The following NPNT variants were observed in gnomAD, a reference collection of about 807,000 sequenced individuals.
The protein encoded by NPNT is nephronectin.
A neutral mutation model predicts 68.6 loss-of-function variants in NPNT; 45 were observed. The ratio of observed to expected loss-of-function variants is 0.66; its 90% CI spans 0.52 to 0.84. NPNT has a LOEUF of 0.84. Among genes scored for constraint, NPNT ranks in the 40% least tolerant of loss-of-function variants. NPNT has a pLI of 0.00. For synonymous variants in NPNT, 233 were observed against 253.3 expected (o/e 0.92, Z 0.76); for missense variants, 672 against 714.8 (o/e 0.94, Z 0.68).
At chr4:105,924,276 C>T (rs1034894524) in intron 2 of NPNT, among the ~76,000 whole-genome samples, 3 of 152,132 alleles carry the variant, frequency 2.0e-5, no homozygotes, top group African/African-American at 7.2e-5. Flanking sequence ...CACTTGCCTA[C>T]TATAATACAT....
intron 8 of NPNT, among the ~76,000 whole-genome samples, chr4:105,952,473 A>G (rs1455230403): frequency 1.3e-5 from 2 of 152,230 alleles, no homozygotes; most frequent in African/African-American, 4.8e-5. Context: ...GAATCTGTCT[A>G]GATGGGAAAT....
chr4:105,930,733 C>A (rs893380355), intron 3 of NPNT, among the ~76,000 whole-genome samples: 3 of 152,292 alleles, frequency 2.0e-5, no homozygotes, highest in Non-Finnish European at 4.4e-5. Context: ...GAGTTATATA[C>A]TTTAAGAAAT....
rs1732421022 is a variant in NPNT at position 105,969,527 on chromosome 4, T to TC, written c.*537_*538insC. On this transcript the variant is annotated 3_prime_UTR_variant, in exon 12 of 12. Transcript: ENST00000379987. ...TTTTACTGCCATTCACTTTATAAAA[T>TC]AAGGGTGTGTAACATATCAAGATAC... 1 of 152,440 alleles carries TC rather than the reference T, an allele frequency of 6.6e-6. No individual in the cohort carries two copies. The highest frequency in any genetic ancestry group is 1.5e-5 in the Non-Finnish European group (1 of 68,234). The allele number at this position is 152,440 out of a possible 1,614,324, so 9.4% of individuals were successfully genotyped here.
intron 11 of NPNT, among the ~76,000 whole-genome samples, chr4:105,968,370 T>C (rs1396043134): frequency 6.6e-6 from 1 of 152,236 alleles, no homozygotes; most frequent in African/African-American, 2.4e-5. Context: ...GGATGCTCTA[T>C]AGAAAATATA....
intron 9 of NPNT, chr4:105,958,826 CT>C: frequency 1.8e-6 from 1 of 558,910 alleles, no homozygotes; most frequent in Non-Finnish European, 3.2e-6. Flanking sequence ...TTTGGCAACA[CT>C]TGTGTGTTCT....
chr4:105,923,182 T>C (rs1728391393), intron 2 of NPNT, among the ~76,000 whole-genome samples: 1 of 152,236 alleles, frequency 6.6e-6, no homozygotes, highest in Admixed American at 6.5e-5. Context: ...TTTGCTGACC[T>C]CTGAGAGCTC....
At chr4:105,939,659 CA>C (rs941634516) in intron 5 of NPNT, among the ~76,000 whole-genome samples, 8 of 152,038 alleles carry the variant, frequency 5.3e-5, no homozygotes, top group African/African-American at 1.9e-4. Context: ...CAGTCTAACC[CA>C]AGAGATGGTG....
At chr4:105,951,454 C>G (rs1419936043) in intron 8 of NPNT, among the ~76,000 whole-genome samples, 3 of 152,176 alleles carry the variant, frequency 2.0e-5, no homozygotes, top group Non-Finnish European at 4.4e-5. Context: ...GAGTCTGTGG[C>G]TAGTTCAGTC....
At chr4:105,903,690 G>A (rs1214655195) in intron 2 of NPNT, among the ~76,000 whole-genome samples, 1 of 151,018 alleles carries the variant, frequency 6.6e-6, no homozygotes, top group African/African-American at 2.4e-5. Flanking sequence ...CACTTGTTTT[G>A]TACAAATGAA....
chr4:105,937,212 C>T, intron 4 of NPNT, 84 bp downstream of exon 4: 1 of 1,354,638 alleles, frequency 7.4e-7, no homozygotes, highest in Non-Finnish European at 1.0e-6. Flanking sequence ...TGAAAATGGC[C>T]TCCGGGGTTC....
chr4:105,959,836 G>A (rs1345214140), intron 10 of NPNT, among the ~76,000 whole-genome samples: 7 of 142,350 alleles, frequency 4.9e-5, no homozygotes, highest in African/African-American at 1.8e-4. Flanking sequence ...TTGAGATGGA[G>A]TCTTGCTCTG....
intron 10 of NPNT, among the ~76,000 whole-genome samples, chr4:105,961,646 A>G (rs1347313815): frequency 6.6e-6 from 1 of 152,156 alleles, no homozygotes; most frequent in African/African-American, 2.4e-5. Context: ...AAAAATGAGA[A>G]GAGGGTTAGA....
At chr4:105,943,322 T>C (rs1054476354) in intron 8 of NPNT, among the ~76,000 whole-genome samples, 2 of 152,122 alleles carry the variant, frequency 1.3e-5, no homozygotes, top group South Asian at 2.1e-4. Context: ...AAGGAAGATA[T>C]TATAGTTAAC....
intron 8 of NPNT, 147 bp downstream of exon 8, chr4:105,942,849 C>T: frequency 1.4e-6 from 1 of 735,350 alleles, no homozygotes; most frequent in Non-Finnish European, 2.2e-6. Context: ...TTATAAAGAG[C>T]TACATAAAGA....
chr4:105,963,083 G>A (rs1488380393), intron 10 of NPNT, among the ~76,000 whole-genome samples: 1 of 152,050 alleles, frequency 6.6e-6, no homozygotes, highest in Non-Finnish European at 1.5e-5. Flanking sequence ...AAATTAGCCA[G>A]GCGTGGTGGC....
intron 8 of NPNT, among the ~76,000 whole-genome samples, chr4:105,954,563 C>T (rs1355923260): frequency 1.3e-5 from 2 of 152,112 alleles, no homozygotes; most frequent in African/African-American, 2.4e-5. Flanking sequence ...ACCAGGATAA[C>T]GTCCAAAATA....
At chr4:105,942,898 C>A (rs1352612079) in intron 8 of NPNT, among the ~76,000 whole-genome samples, 196 bp downstream of exon 8, 1 of 152,164 alleles carries the variant, frequency 6.6e-6, no homozygotes, top group Non-Finnish European at 1.5e-5. Flanking sequence ...ATGTATGTAG[C>A]AATGGAAGGA....
At chr4:105,932,727 G>T in intron 3 of NPNT, 1 of 1,489,582 alleles carries the variant, frequency 6.7e-7, no homozygotes, top group Non-Finnish European at 9.1e-7. Context: ...GTCCCAGGTG[G>T]TCTGCTCTTC....
At chr4:105,922,974 T>C (rs1728369797) in intron 2 of NPNT, among the ~76,000 whole-genome samples, 2 of 152,190 alleles carry the variant, frequency 1.3e-5, no homozygotes, top group Admixed American at 1.3e-4. Context: ...CTTGTTCTGA[T>C]CCACACGAAG....
Sources: allele counts gnomAD v4.1 joint callset (sites outside exome capture counted in the v4.1 genomes callset), GRCh38; gene constraint gnomAD v4.1.1; transcripts MANE v1.5; gene names NCBI Gene and HGNC (gene_info 2026-07-23, HGNC 2026-07-21).